Variants in IL34 observed in about 807,000 individuals in gnomAD.
IL34 encodes the protein interleukin-34.
IL34 carries 17 observed loss-of-function variants against 25.3 expected under a neutral mutation model. The ratio of observed to expected loss-of-function variants is 0.67; its 90% CI spans 0.46 to 1.01. IL34 has a LOEUF of 1.01. Ranked by LOEUF, IL34 falls within the 50% of genes least tolerant of loss-of-function variation. The probability of loss-of-function intolerance (pLI) is 0.00; values close to 1 mark genes in which losing one functional copy is unlikely to be tolerated. For synonymous variants in IL34, 174 were observed against 140.9 expected, an observed-to-expected ratio of 1.23 and a Z score of -1.66; for missense variants, 368 against 312.9, an observed-to-expected ratio of 1.18 and a Z score of -1.33.
intron 1 of IL34, among the ~76,000 whole-genome samples, chr16:70,591,219 C>T (rs189045818): frequency 1.3e-4 from 20 of 152,348 alleles, no homozygotes; most frequent in Admixed American, 3.3e-4. Context: ...CAACTCAGCT[C>T]TCTGGGTGCC....
At chr16:70,608,058 T>G (rs1212935464) in intron 1 of IL34, among the ~76,000 whole-genome samples, 1 of 149,706 alleles carries the variant, frequency 6.7e-6, no homozygotes, top group Non-Finnish European at 1.5e-5. Context: ...GTGAGCCACC[T>G]TGCCCGGCCG....
chr16:70,608,351 A>T (rs1196551802), intron 1 of IL34, among the ~76,000 whole-genome samples: 2 of 149,146 alleles, frequency 1.3e-5, no homozygotes, highest in Non-Finnish European at 3.0e-5. Flanking sequence ...CTGGTCTTGA[A>T]CTCCTGACCT....
At chr16:70,659,444 T>C (rs948373591) in intron 4 of IL34, among the ~76,000 whole-genome samples, 174 bp from the exon 5 acceptor site, 1 of 152,160 alleles carries the variant, frequency 6.6e-6, no homozygotes, top group African/African-American at 2.4e-5. Flanking sequence ...TCTGGGACCC[T>C]CCCCATGCCC....
At chr16:70,617,703 A>G (rs529456354) in intron 1 of IL34, among the ~76,000 whole-genome samples, 37 of 146,328 alleles carry the variant, frequency 2.5e-4, no homozygotes, top group South Asian at 1.1e-3. Context: ...CCTTTAGTCC[A>G]TTCTACTTTT....
intron 1 of IL34, among the ~76,000 whole-genome samples, chr16:70,597,006 C>T (rs879856459): frequency 2.6e-5 from 4 of 152,082 alleles, no homozygotes; most frequent in Admixed American, 6.5e-5. Context: ...CAGTAGAGGC[C>T]GTCCCCAGCT....
intron 2 of IL34, among the ~76,000 whole-genome samples, chr16:70,655,093 A>C (rs1168759186): frequency 6.6e-6 from 1 of 150,966 alleles, no homozygotes; most frequent in African/African-American, 2.4e-5. Flanking sequence ...TTGGTCTGTC[A>C]CCAGGCTGGA....
chr16:70,640,671 CAATT>C (rs1238531846), intron 1 of IL34, among the ~76,000 whole-genome samples: 1 of 150,166 alleles, frequency 6.7e-6, no homozygotes, highest in African/African-American at 2.5e-5. Flanking sequence ...ATATTTCAAT[CAATT>C]AAAGTTATTT....
At position 70,660,163 on chromosome 16, in the gene IL34, A is replaced by ACAGG. The variant is rs746523737; in HGVS notation, c.706_709dup (p.Gly237AlafsTer17). On this transcript the variant is annotated frameshift_variant, in exon 6 of 6. Transcript: ENST00000288098. LOFTEE classifies it low-confidence loss of function (END_TRUNC). Reference sequence around the variant, plus strand: ...CGGGCTCGGTGAGGCCGGTCAGGGCACAGGGCGAGGGCCTCTTGCCCTGAG... The same window carrying ACAGG: ...CGGGCTCGGTGAGGCCGGTCAGGGCACAGGCAGGGCGAGGGCCTCTTGCCCTGAG... The ACAGG allele has an allele frequency of 1.2e-6, 2 of 1,602,000 alleles. No individual in the cohort carries two copies. The highest frequency in any genetic ancestry group is 2.7e-5 in the African/African-American group (2 of 74,420).
chr16:70,617,583 C>CT (rs556435117), intron 1 of IL34, among the ~76,000 whole-genome samples: 97 of 152,248 alleles, frequency 6.4e-4, no homozygotes, highest in East Asian at 5.6e-3. Flanking sequence ...GCTGTACCCC[C>CT]TGTAGCATTC....
rs1038923960 is a variant in IL34 at position 70,621,115 on chromosome 16, G to C, written c.-400-25433G>C. On this transcript the variant is annotated intron_variant, in intron 1 of 6. Coordinates refer to the IL34 transcript ENST00000429149. ...TAGGAAAGCGGGACTTGTCGCTAAG[G>C]GTGAAGGAGAAGGGGTTGAGGGGTA... Among the ~76,000 whole-genome samples the C allele has an allele frequency of 9.2e-5, 14 of 152,212 alleles. No homozygotes were observed. In the South Asian group the frequency reaches 2.5e-3, roughly 27 times the overall value.
At chr16:70,612,483 C>T (rs952648039) in intron 1 of IL34, among the ~76,000 whole-genome samples, 4 of 152,178 alleles carry the variant, frequency 2.6e-5, no homozygotes, top group South Asian at 2.1e-4. Context: ...CCCACTCTGC[C>T]GTAATTACTC....
chr16:70,659,587 C>G, intron 4 of IL34, 31 bp from the exon 5 acceptor site: 1 of 1,581,764 alleles, frequency 6.3e-7, no homozygotes, highest in South Asian at 1.1e-5. Context: ...CCCCATCTCG[C>G]CACCGCTCCT....
intron 1 of IL34, among the ~76,000 whole-genome samples, chr16:70,624,925 AGAAG>A (rs1234674741): frequency 1.3e-5 from 2 of 151,968 alleles, no homozygotes; most frequent in Non-Finnish European, 2.9e-5. Flanking sequence ...CGGGAGGGAA[AGAAG>A]GAAGATTTGG....
rs145782768 is a variant in IL34, at chr16:70,660,076, G to T, written c.618G>T (p.Gln206His). The change falls in exon 6 of 6, where the codon CAG becomes CAT. Residue 206 changes from glutamine (Q) to histidine (H), a missense_variant. Coordinates refer to ENST00000288098, the MANE Select transcript of IL34 (RefSeq NM_001393494.1). ...CTTGCAGCCCAGAGCCCTCATTGCA[G>T]TATGCGGCCACCCAGCTGTACCCTC... ...PQSCSPEPSL[Q>H]YAATQLYPPP... The T allele has an allele frequency of 6.8e-6, 11 of 1,613,704 alleles. No homozygotes were observed. The highest frequency in any genetic ancestry group is 9.3e-6 in the Non-Finnish European group (11 of 1,179,878).
intron 1 of IL34, among the ~76,000 whole-genome samples, chr16:70,613,720 A>G (rs946241313): frequency 1.3e-5 from 2 of 151,998 alleles, no homozygotes; most frequent in African/African-American, 4.8e-5. Context: ...CTAAAAATAC[A>G]AAAATTAGCC....
chr16:70,622,816 G>A (rs1000209567), intron 1 of IL34, among the ~76,000 whole-genome samples: 5 of 152,066 alleles, frequency 3.3e-5, no homozygotes, highest in African/African-American at 1.2e-4. Context: ...GAAATGTAGA[G>A]AGTGAGTTGA....
intron 1 of IL34, among the ~76,000 whole-genome samples, chr16:70,629,034 C>A (rs1479442763): frequency 6.6e-6 from 1 of 152,146 alleles, no homozygotes; most frequent in Non-Finnish European, 1.5e-5. Context: ...AAGTGATCCT[C>A]CCAAAGCACT....
intron 1 of IL34, 110 bp downstream of exon 1, chr16:70,647,085 G>C: frequency 1.0e-6 from 1 of 1,001,264 alleles, no homozygotes. Flanking sequence ...AAGTTGCGAT[G>C]CTTCCCAGCC....
intron 1 of IL34, among the ~76,000 whole-genome samples, chr16:70,649,285 A>G (rs941482193): frequency 1.3e-5 from 2 of 152,200 alleles, no homozygotes; most frequent in African/African-American, 4.8e-5. Context: ...TTTTGCAGTC[A>G]TATTTATACC....
Sources: allele counts gnomAD v4.1 joint callset (sites outside exome capture counted in the v4.1 genomes callset), GRCh38; gene constraint gnomAD v4.1.1; transcripts MANE v1.5; gene names NCBI Gene and HGNC (gene_info 2026-07-23, HGNC 2026-07-21).